The following ADAM12 variants were observed in gnomAD, a reference collection of about 807,000 sequenced individuals.
ADAM12 encodes ADAM metallopeptidase domain 12.
In ADAM12, 70 loss-of-function variants were observed where a neutral mutation model predicts 106.4. The observed-to-expected ratio is 0.66, with a 90% confidence interval of 0.54 to 0.80. The LOEUF (loss-of-function observed/expected upper bound fraction) is 0.80. Ranked by LOEUF, ADAM12 falls within the 30% of genes least tolerant of loss-of-function variation. ADAM12 has a pLI of 0.00. For missense variants in ADAM12, 1,010 were observed against 1,171.9 expected (o/e 0.86, Z 2.02); for synonymous variants, 420 against 433.5 (o/e 0.97, Z 0.39).
At chr10:126,063,439 A>G (rs1954800376) in intron 14 of ADAM12, among the ~76,000 whole-genome samples, 1 of 152,180 alleles carries the variant, frequency 6.6e-6, no homozygotes, top group African/African-American at 2.4e-5. Context: ...TTCGAGGTTT[A>G]GTCATCAATT....
At chr10:126,304,810 T>C (rs1021530449) in intron 2 of ADAM12, among the ~76,000 whole-genome samples, 22 of 152,102 alleles carry the variant, frequency 1.4e-4, no homozygotes, top group African/African-American at 4.8e-4. Context: ...AAAATATATT[T>C]GAATGGCCAA....
Position 126,078,862 on chromosome 10 carries a change from C to T in ADAM12, c.1146-7208G>A, listed in dbSNP as rs2133520284. The stretch of plus-strand genomic sequence containing the variant: ...TGATTCCACGTTCAGGTACTAAAAA[C>T]CATTTTCTTTATTACCAGTGCCAGT... On this transcript the variant is annotated intron_variant, in intron 11 of 22. Transcript: ENST00000448723. Among the ~76,000 whole-genome samples, 3 of 152,118 alleles carry T rather than the reference C, an allele frequency of 2.0e-5. No individual in the cohort carries two copies. The East Asian group carries it at 5.8e-4, about 29-fold the overall frequency.
At chr10:126,050,349 G>A (rs1710278) in intron 14 of ADAM12, among the ~76,000 whole-genome samples, 79,408 of 151,996 alleles carry the variant, frequency 0.52, 21,508 homozygotes, top group East Asian at 0.9. Flanking sequence ...TTCCAGCCAC[G>A]GAGAGAGCAC....
At chr10:126,173,953 A>G (rs1445111883) in intron 3 of ADAM12, among the ~76,000 whole-genome samples, 2 of 151,708 alleles carry the variant, frequency 1.3e-5, no homozygotes, top group Non-Finnish European at 2.9e-5. Flanking sequence ...AATAAAAATC[A>G]TACAAACAAC....
chr10:126,321,838 T>C (rs1386083443), intron 2 of ADAM12, among the ~76,000 whole-genome samples: 1 of 148,460 alleles, frequency 6.7e-6, no homozygotes, highest in Non-Finnish European at 1.5e-5. Context: ...CAAAGAATAC[T>C]GGATTTCAAA....
At chr10:126,018,328 T>C (rs1323890263) in intron 22 of ADAM12, among the ~76,000 whole-genome samples, 2 of 152,192 alleles carry the variant, frequency 1.3e-5, no homozygotes, top group Non-Finnish European at 2.9e-5. Context: ...TGCTGGTAAA[T>C]GTTGAACAGC....
intron 11 of ADAM12, among the ~76,000 whole-genome samples, chr10:126,089,735 T>C (rs1381220481): frequency 6.6e-6 from 1 of 151,850 alleles, no homozygotes; most frequent in Non-Finnish European, 1.5e-5. Flanking sequence ...GCCCCAAGGC[T>C]CCTGGCAGCA....
chr10:126,232,694 A>G (rs1414622379), intron 3 of ADAM12, among the ~76,000 whole-genome samples: 5 of 152,218 alleles, frequency 3.3e-5, no homozygotes, highest in Non-Finnish European at 7.3e-5. Flanking sequence ...TTAGATATCC[A>G]ATAAATACAT....
chr10:126,266,514 A>G (rs557665104), intron 3 of ADAM12, among the ~76,000 whole-genome samples: 2 of 152,324 alleles, frequency 1.3e-5, no homozygotes, highest in African/African-American at 4.8e-5. Context: ...TGCAAGAGCA[A>G]TGGCAGCAGA....
At chr10:126,150,286 C>A (rs1006053822) in intron 4 of ADAM12, among the ~76,000 whole-genome samples, 3 of 152,178 alleles carry the variant, frequency 2.0e-5, no homozygotes, top group Non-Finnish European at 4.4e-5. Context: ...AGGACATAAA[C>A]GTCAAATGTG....
intron 11 of ADAM12, among the ~76,000 whole-genome samples, chr10:126,073,719 C>A (rs927491247): frequency 6.6e-6 from 1 of 152,156 alleles, no homozygotes; most frequent in South Asian, 2.1e-4. Flanking sequence ...TTCTAATTTA[C>A]AAATAAATTA....
In ADAM12 at chr10:126,147,194, T is replaced by C. The variant is rs142167554; in HGVS notation, c.339+8033A>G. Among the ~76,000 whole-genome samples, 336 of 152,354 alleles carry C rather than the reference T, an allele frequency of 2.2e-3. 6 individuals are homozygous for C. The highest frequency in any genetic ancestry group is 0.02 in the Admixed American group (300 of 15,308). ...TCTATTTTTTCCAGTGAGAAACATA[T>C]ACCACGAATGAAACATTTTTGGGTC... On this transcript the variant is annotated intron_variant, in intron 4 of 22. Transcript: ENST00000448723.
chr10:126,041,400 C>CTT (rs1467833468), intron 18 of ADAM12: 1 of 985,752 alleles, frequency 1.0e-6, no homozygotes, highest in Admixed American at 6.1e-5. Flanking sequence ...GAGTTAGGCT[C>CTT]TTACATTGTT....
intron 14 of ADAM12, among the ~76,000 whole-genome samples, chr10:126,051,721 T>C (rs1459091812): frequency 2.0e-5 from 3 of 152,016 alleles, no homozygotes; most frequent in Non-Finnish European, 4.4e-5. Flanking sequence ...CAGACACATG[T>C]ATTTATTCAG....
chr10:126,166,102 C>T (rs1407868172), intron 3 of ADAM12, among the ~76,000 whole-genome samples: 1 of 152,202 alleles, frequency 6.6e-6, no homozygotes, highest in Non-Finnish European at 1.5e-5. Flanking sequence ...AACAAAGTTT[C>T]CTGCAAAATA....
intron 3 of ADAM12, among the ~76,000 whole-genome samples, chr10:126,267,750 A>G (rs1184121352): frequency 6.7e-6 from 1 of 149,514 alleles, no homozygotes; most frequent in Non-Finnish European, 1.5e-5. Context: ...CAGAGAAGGT[A>G]TTGGGGACCC....
intron 4 of ADAM12, among the ~76,000 whole-genome samples, chr10:126,140,270 A>C (rs895653392): frequency 2.0e-5 from 3 of 152,224 alleles, no homozygotes; most frequent in Non-Finnish European, 4.4e-5. Flanking sequence ...TGGTGACAAT[A>C]ATTTTAATTA....
chr10:126,379,942 AC>A (rs1320485101), intron 1 of ADAM12, among the ~76,000 whole-genome samples: 1 of 152,230 alleles, frequency 6.6e-6, no homozygotes, highest in Admixed American at 6.5e-5. Flanking sequence ...AGGTGTTTCA[AC>A]ATTTCTAAGA....
At chr10:126,258,183 A>C (rs1314633702) in intron 3 of ADAM12, among the ~76,000 whole-genome samples, 1 of 152,228 alleles carries the variant, frequency 6.6e-6, no homozygotes, top group African/African-American at 2.4e-5. Flanking sequence ...TAATGTAAGC[A>C]TAAGTTTATT....
Sources: gnomAD v4.1 joint callset for allele counts (sites outside exome capture counted in the v4.1 genomes callset) on GRCh38, gnomAD v4.1.1 for gene constraint, MANE v1.5 for transcripts, NCBI Gene and HGNC (gene_info 2026-07-23, HGNC 2026-07-21) for gene names.